Variants in DNAJC10 observed in about 807,000 individuals in gnomAD.
DNAJC10 encodes DnaJ heat shock protein family (Hsp40) member C10.
A neutral mutation model predicts 115.0 loss-of-function variants in DNAJC10; 101 were observed. The observed-to-expected ratio is 0.88, with a 90% CI of 0.75 to 1.04. DNAJC10 has a LOEUF of 1.04. Among genes scored for constraint, DNAJC10 ranks in the 50% least tolerant of loss-of-function variants. The pLI is 0.00. For missense variants in DNAJC10, 981 were observed against 928.8 expected (o/e 1.06, Z -0.73); for synonymous variants, 307 against 301.5 (o/e 1.02, Z -0.19).
intron 15 of DNAJC10, 53 bp downstream of exon 15, chr2:182,751,838 T>C (rs1431272437): frequency 5.1e-6 from 8 of 1,580,110 alleles, no homozygotes; most frequent in Admixed American, 3.8e-5. Context: ...TCTCCTGTTA[T>C]GGCAAAAAGA....
chr2:182,767,879 C>A (rs75231117), intron 22 of DNAJC10, among the ~76,000 whole-genome samples: 4 of 152,078 alleles, frequency 2.6e-5, no homozygotes, highest in Non-Finnish European at 4.4e-5. Flanking sequence ...CACTACACTC[C>A]GTATCCTGTT....
chr2:182,739,645 C>T (rs1181421758), intron 11 of DNAJC10: 1 of 1,116,454 alleles, frequency 9.0e-7, no homozygotes, highest in East Asian at 7.9e-5. Context: ...GTTAGAAGGG[C>T]CTTTTATACT....
rs932059478 is a variant in DNAJC10 at position 182,783,118 on chromosome 2, G to T, written c.*5986G>T. On this transcript the variant is annotated 3_prime_UTR_variant, in exon 24 of 24. Transcript: ENST00000264065. ...TTTTGAGTGTTTTTAGCATGAAAGG[G>T]TGTTAATTTTATCGAAGGCCTTTTC... The T allele has an allele frequency of 7.9e-5, 12 of 152,102 alleles. No homozygotes were observed. The highest frequency in any genetic ancestry group is 1.8e-4 in the Non-Finnish European group (12 of 68,036). The allele number at this position is 152,102 out of a possible 1,614,324, so 9.4% of individuals were successfully genotyped here.
chr2:182,764,431 G>A lies in DNAJC10; in HGVS notation c.2265+1630G>A, dbSNP rs142594442. 3.3e-3 allele frequency among the ~76,000 whole-genome samples: 500 copies of A among 152,208 alleles called. 1 individual carries two copies. The highest frequency in any genetic ancestry group is 6.9e-3 in the Admixed American group (105 of 15,282). On this transcript the variant is annotated intron_variant, in intron 22 of 23. Transcript: ENST00000264065. The stretch of plus-strand genomic sequence containing the variant: ...AGTGGCCAGAAATCTTATTTTTCAA[G>A]TATGAGACAATGCTTTTCTAAATAG...
At chr2:182,751,609 A>G (rs1283273553) in intron 14 of DNAJC10, 49 bp from the exon 15 acceptor site, 4 of 1,590,178 alleles carry the variant, frequency 2.5e-6, no homozygotes, top group Admixed American at 3.5e-5. Context: ...GTCTCTGTGC[A>G]TACAAAAAGC....
rs756236597 is a variant in DNAJC10, at chr2:182,779,278, G to A, written c.*2146G>A. 6.6e-6 allele frequency: 1 copy of A among 152,142 alleles called. No homozygotes were observed. The highest frequency in any genetic ancestry group is 6.6e-5 in the Admixed American group (1 of 15,266). 9.4% of individuals were successfully genotyped at this position (152,142 alleles called of 1,614,324 possible). ...CAGCTGGCAGATTGAGCTTTTAATG[G>A]CTATATTGATACAGTAGATAGAGCA... On this transcript the variant is annotated 3_prime_UTR_variant, in exon 24 of 24. Transcript: ENST00000264065.
rs1693397446 is a variant in DNAJC10, at chr2:182,729,877, A to G, written c.663A>G (p.Ser221=). 1 of 1,611,098 alleles carries G rather than the reference A, an allele frequency of 6.2e-7. No individual in the cohort carries two copies. Among genetic ancestry groups the G allele is most frequent in the Non-Finnish European group, 8.5e-7 (1 of 1,178,738 alleles). The change falls in exon 8 of 24, where the codon TCA becomes TCG. Residue 221 remains serine, a synonymous_variant. Coordinates refer to ENST00000264065, the MANE Select transcript of DNAJC10 (RefSeq NM_018981.4). Reference sequence around the variant, plus strand: ...CAGTGAAATATCATGGAGACAGATCAAAGGAGAGTTTAGTGAGTTTTGCAA... The same window carrying G: ...CAGTGAAATATCATGGAGACAGATCGAAGGAGAGTTTAGTGAGTTTTGCAA... ...MAPVKYHGDR[S]KESLVSFAMQ...
intron 17 of DNAJC10, among the ~76,000 whole-genome samples, chr2:182,756,075 A>T (rs187677723): frequency 6.6e-6 from 1 of 152,316 alleles, no homozygotes; most frequent in Admixed American, 6.5e-5. Flanking sequence ...TAAAGGACAT[A>T]CACAGATTGA....
At chr2:182,735,513 A>C (rs1387909070) in intron 10 of DNAJC10, among the ~76,000 whole-genome samples, 1 of 151,852 alleles carries the variant, frequency 6.6e-6, no homozygotes, top group African/African-American at 2.4e-5. Flanking sequence ...TGAGTTTCTT[A>C]TTTATTCTGA....
chr2:182,784,710 G>A lies in DNAJC10; in HGVS notation c.*7578G>A, dbSNP rs906510539. ...TGATATTATAGTAACCCTTTTAGAT[G>A]TTAGTAACTTTTATTGTAAAATTTA... On this transcript the variant is annotated 3_prime_UTR_variant, in exon 24 of 24. Transcript: ENST00000264065. 3 of 152,088 alleles carry A rather than the reference G, an allele frequency of 2.0e-5. No individual in the cohort carries two copies. Among genetic ancestry groups the A allele is most frequent in the African/African-American group, 7.2e-5 (3 of 41,414 alleles). The allele number at this position is 152,088 out of a possible 1,614,324, so 9.4% of individuals were successfully genotyped here.
chr2:182,717,871 T>C (rs1693035700), intron 2 of DNAJC10, 70 bp from the exon 3 acceptor site: 3 of 387,572 alleles, frequency 7.7e-6, no homozygotes, highest in Admixed American at 4.4e-5. Context: ...GACCATGTTC[T>C]GTGATAAATA....
chr2:182,764,493 A>T (rs1338581238), intron 22 of DNAJC10, among the ~76,000 whole-genome samples: 1 of 152,108 alleles, frequency 6.6e-6, no homozygotes, highest in East Asian at 1.9e-4. Flanking sequence ...TCCAAGTTAA[A>T]TTTACAGGCA....
At chr2:182,737,596 T>C (rs550563769) in intron 11 of DNAJC10, among the ~76,000 whole-genome samples, 1 of 152,288 alleles carries the variant, frequency 6.6e-6, no homozygotes, top group African/African-American at 2.4e-5. Flanking sequence ...CACCTATACG[T>C]ATATGTGTGG....
chr2:182,784,371 A>T lies in DNAJC10; in HGVS notation c.*7239A>T, dbSNP rs567135940. On this transcript the variant is annotated 3_prime_UTR_variant, in exon 24 of 24. Coordinates refer to ENST00000264065, the MANE Select transcript of DNAJC10 (RefSeq NM_018981.4). Reference sequence around the variant, plus strand: ...AAATCATTTTGTTGGTATTTTATATAAACTTAAGAAACCTCCCCACACAAA... The same window carrying T: ...AAATCATTTTGTTGGTATTTTATATTAACTTAAGAAACCTCCCCACACAAA... 1 of 152,104 alleles carries T rather than the reference A, an allele frequency of 6.6e-6. No individual in the cohort carries two copies. The highest frequency in any genetic ancestry group is 1.5e-5 in the Non-Finnish European group (1 of 68,028). 9.4% of individuals were successfully genotyped at this position (152,104 alleles called of 1,614,324 possible).
intron 16 of DNAJC10, chr2:182,752,533 TCTTCATA>T: frequency 1.2e-6 from 1 of 855,082 alleles, no homozygotes; most frequent in Non-Finnish European, 1.4e-6. Context: ...CCTTTGGCTT[TCTTCATA>T]CTTCTAAGTA....
chr2:182,758,701 G>T (rs981914595), intron 19 of DNAJC10, 136 bp from the exon 20 acceptor site: 5 of 649,898 alleles, frequency 7.7e-6, no homozygotes, highest in Non-Finnish European at 1.1e-5. Flanking sequence ...TTGTAGCTAG[G>T]TATATTTGAG....
intron 8 of DNAJC10, 66 bp downstream of exon 8, chr2:182,730,007 G>T: frequency 9.5e-7 from 1 of 1,053,272 alleles, no homozygotes. Context: ...TGTTTTTAAT[G>T]GCAATATTAA....
Position 182,752,194 on chromosome 2 carries a change from G to T in DNAJC10, c.1551+6G>T. On this transcript the variant is annotated splice_donor_region_variant and intron_variant, in intron 16 of 23. Coordinates refer to ENST00000264065, the MANE Select transcript of DNAJC10 (RefSeq NM_018981.4). Reference sequence around the variant, plus strand: ...ATGAGGGACTCTGTAACATGGTAAGGCAAAGTATCAAAAATTATTCTAATT... The same window carrying T: ...ATGAGGGACTCTGTAACATGGTAAGTCAAAGTATCAAAAATTATTCTAATT... The T allele has an allele frequency of 7.2e-7, 1 of 1,386,132 alleles. No homozygotes were observed. The highest frequency in any genetic ancestry group is 9.8e-7 in the Non-Finnish European group (1 of 1,022,424). The allele number at this position is 1,386,132 out of a possible 1,614,324, so 85.9% of individuals were successfully genotyped here.
chr2:182,752,159 T>G lies in DNAJC10; in HGVS notation c.1522T>G (p.Cys508Gly). 4 of 1,610,042 alleles carry G rather than the reference T, an allele frequency of 2.5e-6. No individual in the cohort carries two copies. The highest frequency in any genetic ancestry group is 3.4e-6 in the Non-Finnish European group (4 of 1,177,052). The change falls in exon 16 of 24, where the codon TGT becomes GGT. Residue 508 changes from cysteine to glycine, a missense_variant. Physicochemically the swap from Cys to Gly is radical, Grantham distance 159. Coordinates refer to ENST00000264065, the MANE Select transcript of DNAJC10 (RefSeq NM_018981.4). ...TCAGCTTAAGTTTGGTACACTAGAT[T>G]GTACAGTTCATGAGGGACTCTGTAA... ...YGQLKFGTLDCTVHEGLCNMY... is the reference protein window; with the variant it reads ...YGQLKFGTLDGTVHEGLCNMY...
Sources: gnomAD v4.1 joint callset for allele counts (sites outside exome capture counted in the v4.1 genomes callset) on GRCh38, gnomAD v4.1.1 for gene constraint, MANE v1.5 for transcripts, NCBI Gene and HGNC (gene_info 2026-07-23, HGNC 2026-07-21) for gene names.